NBEA: variants seen among roughly 807,000 people sequenced by gnomAD.
NBEA encodes the protein lysosomal-trafficking regulator 2.
Under a neutral mutation model 343.4 loss-of-function variants are expected in NBEA, and 44 were observed. That is an observed-to-expected ratio of 0.13 (90% CI 0.10 to 0.16). NBEA has a LOEUF of 0.16. NBEA is among the 10% of genes least tolerant of loss of function. The pLI is 1.00. For synonymous variants in NBEA, 1,175 were observed against 1,238.7 expected, an observed-to-expected ratio of 0.95 and a Z score of 1.08; for missense variants, 2,555 against 3,631.3, an observed-to-expected ratio of 0.70 and a Z score of 7.62.
chr13:35,482,270 G>T (rs2076148036), intron 41 of NBEA, among the ~76,000 whole-genome samples: 1 of 151,054 alleles, frequency 6.6e-6, no homozygotes, highest in Admixed American at 6.6e-5. Flanking sequence ...AAAATAAATG[G>T]TTTACAGAAA....
intron 38 of NBEA, among the ~76,000 whole-genome samples, chr13:35,385,040 T>A (rs553795048): frequency 7.9e-5 from 12 of 152,334 alleles, no homozygotes; most frequent in Admixed American, 7.8e-4. Context: ...GTCCTGTGTT[T>A]TAAACACTGC....
chr13:35,063,876 CT>C (rs1281381738), intron 8 of NBEA, among the ~76,000 whole-genome samples: 1 of 151,948 alleles, frequency 6.6e-6, no homozygotes, highest in East Asian at 1.9e-4. Context: ...TTTTCTGTCA[CT>C]GTGAACATGG....
chr13:35,660,701 TG>T, intron 55 of NBEA, among the ~76,000 whole-genome samples: 1 of 152,298 alleles, frequency 6.6e-6, no homozygotes, highest in Non-Finnish European at 1.5e-5. Context: ...AAGACTATCC[TG>T]GTGCCCAGCT....
intron 55 of NBEA, among the ~76,000 whole-genome samples, chr13:35,657,178 G>A (rs2084851171): frequency 6.6e-6 from 1 of 152,214 alleles, no homozygotes; most frequent in Non-Finnish European, 1.5e-5. Context: ...TGGATTAGAT[G>A]TCCAAATGTT....
chr13:35,326,003 C>T (rs976705592), intron 36 of NBEA, among the ~76,000 whole-genome samples: 1 of 151,872 alleles, frequency 6.6e-6, no homozygotes, highest in Non-Finnish European at 1.5e-5. Context: ...TTATCCCCTT[C>T]CATTGGTTTG....
At position 35,229,180 on chromosome 13, in the gene NBEA, G is replaced by A. The variant is rs981347389; in HGVS notation, c.5649-3312G>A. Among the ~76,000 whole-genome samples, 13 of 152,036 alleles carry A rather than the reference G, an allele frequency of 8.6e-5. No individual in the cohort carries two copies. In the East Asian group the frequency reaches 2.3e-3, roughly 27 times the overall value. ...TGAGTAGCTAGGATCACAGGCACCCGCCACCACACCTGGCTAATTTTTTAA... is the reference window on the plus strand; with the variant it reads ...TGAGTAGCTAGGATCACAGGCACCCACCACCACACCTGGCTAATTTTTTAA... On this transcript the variant is annotated intron_variant, in intron 33 of 58. Coordinates refer to ENST00000379939, the MANE Select transcript of NBEA (RefSeq NM_001385012.1).
chr13:35,384,085 G>T (rs1305742714), intron 38 of NBEA, among the ~76,000 whole-genome samples: 1 of 152,000 alleles, frequency 6.6e-6, no homozygotes, highest in African/African-American at 2.4e-5. Context: ...TAATACCAAG[G>T]CCCAGTCACA....
At chr13:35,249,986 A>G (rs761596109) in intron 34 of NBEA, among the ~76,000 whole-genome samples, 2 of 152,212 alleles carry the variant, frequency 1.3e-5, no homozygotes, top group African/African-American at 4.8e-5. Context: ...CAAAAACACA[A>G]TACTGTATGA....
chr13:35,159,021 T>A lies in NBEA; in HGVS notation c.2850T>A (p.Thr950=), dbSNP rs369457523. The stretch of plus-strand genomic sequence containing the variant: ...TTTCTTTACTTATTCCTAAGGTCAC[T>A]TATGAAGCTCATAAGGAATACCTAG... ...DTLSIAHSKV[T]YEAHKEYLAK... The change falls in exon 22 of 59, where the codon ACT becomes ACA. Residue 950 remains threonine, a synonymous_variant. Coordinates refer to ENST00000379939, the MANE Select transcript of NBEA (RefSeq NM_001385012.1). The A allele has an allele frequency of 2.5e-6, 4 of 1,591,338 alleles. No homozygotes were observed. Among genetic ancestry groups the A allele is most frequent in the Non-Finnish European group, 3.4e-6 (4 of 1,171,674 alleles).
intron 33 of NBEA, among the ~76,000 whole-genome samples, chr13:35,227,514 A>G (rs561908599): frequency 1.1e-4 from 17 of 152,202 alleles, no homozygotes; most frequent in African/African-American, 3.8e-4. Flanking sequence ...AAAATCTACT[A>G]TAGAATTCAC....
intron 34 of NBEA, among the ~76,000 whole-genome samples, chr13:35,260,150 T>C (rs942803163): frequency 4.6e-5 from 7 of 152,162 alleles, no homozygotes; most frequent in Non-Finnish European, 8.8e-5. Flanking sequence ...GAAATCAAAC[T>C]AAAACCCATG....
chr13:35,033,888 C>T, intron 1 of NBEA, among the ~76,000 whole-genome samples: 1 of 151,332 alleles, frequency 6.6e-6, no homozygotes, highest in East Asian at 1.9e-4. Flanking sequence ...GTTTATTATT[C>T]TAATAGTTTT....
chr13:35,174,982 G>A (rs1464778453), intron 27 of NBEA, among the ~76,000 whole-genome samples: 2 of 151,832 alleles, frequency 1.3e-5, no homozygotes, highest in South Asian at 2.1e-4. Flanking sequence ...TAGTGGAGAC[G>A]GGGTTTCACC....
chr13:35,486,946 T>G (rs2076324891), intron 41 of NBEA, among the ~76,000 whole-genome samples: 1 of 152,122 alleles, frequency 6.6e-6, no homozygotes, highest in East Asian at 1.9e-4. Context: ...GGATATACCT[T>G]TATAAATGTG....
intron 10 of NBEA, chr13:35,071,089 A>C (rs2063849867): frequency 6.3e-6 from 2 of 316,006 alleles, no homozygotes. Flanking sequence ...GAAAATTCTT[A>C]CCAAAGATAG....
intron 1 of NBEA, among the ~76,000 whole-genome samples, chr13:35,011,398 A>G (rs2061490224): frequency 1.3e-5 from 2 of 152,210 alleles, no homozygotes; most frequent in African/African-American, 2.4e-5. Context: ...AGACTTTTAA[A>G]TGAATAAGTA....
At chr13:35,361,082 A>G (rs1190164022) in intron 38 of NBEA, among the ~76,000 whole-genome samples, 1 of 152,054 alleles carries the variant, frequency 6.6e-6, no homozygotes, top group African/African-American at 2.4e-5. Flanking sequence ...TCTGAAAACC[A>G]AGGTAAAGAA....
At chr13:35,306,999 C>G (rs776388044) in intron 35 of NBEA, among the ~76,000 whole-genome samples, 2 of 152,040 alleles carry the variant, frequency 1.3e-5, no homozygotes, top group Non-Finnish European at 2.9e-5. Flanking sequence ...ACCATTGCCA[C>G]TGTAAATCCA....
intron 10 of NBEA, among the ~76,000 whole-genome samples, chr13:35,071,708 C>G (rs1478890136): frequency 6.6e-6 from 1 of 151,340 alleles, no homozygotes. Context: ...GAATTGATGG[C>G]GAATCTAGTG....
Sources: gnomAD v4.1 joint callset for allele counts (sites outside exome capture counted in the v4.1 genomes callset) on GRCh38, gnomAD v4.1.1 for gene constraint, MANE v1.5 for transcripts, NCBI Gene and HGNC (gene_info 2026-07-23, HGNC 2026-07-21) for gene names.